The following MYDGF variants were observed in gnomAD, a reference collection of about 807,000 sequenced individuals.
MYDGF encodes myeloid derived growth factor.
A neutral mutation model predicts 24.2 loss-of-function variants in MYDGF; 29 were observed. The ratio of observed to expected loss-of-function variants is 1.20; its 90% CI spans 0.89 to 1.63. The LOEUF (loss-of-function observed/expected upper bound fraction) is 1.63. Among genes scored for constraint, MYDGF ranks in the 40% most tolerant of loss-of-function variants. The pLI, the probability that MYDGF is intolerant of heterozygous loss-of-function variation, is 0.00. For missense variants in MYDGF, 245 were observed against 234.8 expected, an observed-to-expected ratio of 1.04 and a Z score of -0.29; for synonymous variants, 105 against 102.5, an observed-to-expected ratio of 1.02 and a Z score of -0.15.
intron 5 of MYDGF, among the ~76,000 whole-genome samples, chr19:4,659,503 C>T (rs904414981): frequency 1.3e-5 from 2 of 151,886 alleles, no homozygotes; most frequent in East Asian, 1.9e-4. Flanking sequence ...GGATTACAGG[C>T]GTGAGCCACC....
intron 4 of MYDGF, 79 bp downstream of exon 4, chr19:4,660,590 C>G: frequency 7.4e-7 from 1 of 1,352,056 alleles, no homozygotes; most frequent in Non-Finnish European, 1.1e-6. Context: ...CCATGGAGCC[C>G]TCTTGTGGCA....
Position 4,660,045 on chromosome 19 carries a change from T to G in MYDGF, c.370-42A>C, listed in dbSNP as rs200226401. ...GGAAACTTTACCAGGGCCAGTTCAA[T>G]GCTCATCATTAGGAAAACGATTGAG... On this transcript the variant is annotated intron_variant, in intron 4 of 5. Transcript: ENST00000262947. The G allele has an allele frequency of 3.3e-6, 5 of 1,537,162 alleles. No homozygotes were observed. In the East Asian group the frequency reaches 9.0e-5, roughly 28 times the overall value.
chr19:4,658,872 G>A (rs1047950771), intron 5 of MYDGF, among the ~76,000 whole-genome samples: 7 of 147,146 alleles, frequency 4.8e-5, no homozygotes, highest in South Asian at 2.2e-4. Flanking sequence ...GTGCAGTCTC[G>A]ACTCACTGCA....
chr19:4,668,314 A>G (rs1568288630), intron 2 of MYDGF, among the ~76,000 whole-genome samples: 2 of 152,358 alleles, frequency 1.3e-5, no homozygotes, highest in East Asian at 3.9e-4. Flanking sequence ...GTTGCACTGC[A>G]CATAAAATAC....
chr19:4,665,493 C>T (rs548972349), intron 2 of MYDGF, among the ~76,000 whole-genome samples: 121 of 152,170 alleles, frequency 8.0e-4, no homozygotes, highest in Admixed American at 1.1e-3. Context: ...ATATAAGCCA[C>T]CATGCCAGGC....
chr19:4,664,826 C>A, intron 3 of MYDGF, 50 bp downstream of exon 3: 1 of 1,597,972 alleles, frequency 6.3e-7, no homozygotes, highest in Non-Finnish European at 8.6e-7. Context: ...CCTGAGGCCA[C>A]AGGGCAGGCC....
rs2088435866 is a variant in MYDGF at position 4,657,983 on chromosome 19, C to T, written c.*22G>A. 1.3e-6 allele frequency: 2 copies of T among 1,595,442 alleles called. No individual in the cohort carries two copies. The highest frequency in any genetic ancestry group is 1.7e-5 in the Admixed American group (1 of 57,604). On this transcript the variant is annotated 3_prime_UTR_variant, in exon 6 of 6. Transcript: ENST00000262947. The stretch of plus-strand genomic sequence containing the variant: ...CAGCTTCACCGGAGATGAGAAGGTG[C>T]CACCCGCAACAGGGCTGCTGGTCAC...
rs186722662 is a variant in MYDGF, at chr19:4,664,846, C to T, written c.287+30G>A. ...GGCCACAGGGCAGGCCAACGGCAGCCGGAAATGCCATCCCCACCCCGAGTC... is the reference window on the plus strand; with the variant it reads ...GGCCACAGGGCAGGCCAACGGCAGCTGGAAATGCCATCCCCACCCCGAGTC... On this transcript the variant is annotated intron_variant, in intron 3 of 5. Coordinates refer to ENST00000262947, the MANE Select transcript of MYDGF (RefSeq NM_019107.4). The T allele has an allele frequency of 5.6e-4, 908 of 1,609,652 alleles. 5 individuals are homozygous for T. In the African/African-American group the frequency reaches 8.8e-3, roughly 16 times the overall value.
chr19:4,664,855 CATCCCCACCCCG>C lies in MYDGF; in HGVS notation c.287+9_287+20del. 1.9e-6 allele frequency: 3 copies of C among 1,611,010 alleles called. No homozygotes were observed. The highest frequency in any genetic ancestry group is 2.5e-6 in the Non-Finnish European group (3 of 1,178,608). On this transcript the variant is annotated intron_variant, in intron 3 of 5. Transcript: ENST00000262947. Reference sequence around the variant, plus strand: ...GCAGGCCAACGGCAGCCGGAAATGCCATCCCCACCCCGAGTCTCACCTCCAGATGGTGCAGGT... The same window carrying C: ...GCAGGCCAACGGCAGCCGGAAATGCCAGTCTCACCTCCAGATGGTGCAGGT...
intron 2 of MYDGF, among the ~76,000 whole-genome samples, chr19:4,666,101 T>G (rs569856485): frequency 6.6e-6 from 1 of 151,754 alleles, no homozygotes; most frequent in East Asian, 2.0e-4. Context: ...GATGATCACT[T>G]GAACCCAAGA....
chr19:4,663,370 T>C (rs59913199), intron 3 of MYDGF, among the ~76,000 whole-genome samples: 96 of 110,716 alleles, frequency 8.7e-4, no homozygotes, highest in Admixed American at 4.8e-4. Flanking sequence ...TCCAATCTAC[T>C]CTCCCCACCT....
intron 1 of MYDGF, among the ~76,000 whole-genome samples, chr19:4,669,667 CTT>C (rs1158970698): frequency 6.6e-6 from 1 of 152,202 alleles, no homozygotes; most frequent in Non-Finnish European, 1.5e-5. Flanking sequence ...GGGGAAAGGA[CTT>C]TGCCGACAAG....
At chr19:4,664,721 C>A (rs1400515314) in intron 3 of MYDGF, among the ~76,000 whole-genome samples, 155 bp downstream of exon 3, 1 of 152,146 alleles carries the variant, frequency 6.6e-6, no homozygotes, top group Non-Finnish European at 1.5e-5. Context: ...CCCCAGCGAC[C>A]CTGCCACCCC....
chr19:4,665,063 A>C, intron 2 of MYDGF, 126 bp from the exon 3 acceptor site: 1 of 1,027,234 alleles, frequency 9.7e-7, no homozygotes, highest in Non-Finnish European at 1.4e-6. Context: ...GCTGGCCACT[A>C]AATCCCCTGC....
intron 5 of MYDGF, 102 bp from the exon 6 acceptor site, chr19:4,658,186 G>A (rs1343173535): frequency 3.1e-6 from 3 of 962,540 alleles, no homozygotes; most frequent in South Asian, 3.1e-5. Context: ...CAGGCAAGGG[G>A]AGCAGTCTCC....
Position 4,660,734 on chromosome 19 carries a change from A to G in MYDGF, c.304T>C (p.Tyr102His), listed in dbSNP as rs1486157188. The G allele has an allele frequency of 1.2e-6, 2 of 1,613,860 alleles. No homozygotes were observed. Among genetic ancestry groups the G allele is most frequent in the East Asian group, 2.2e-5 (1 of 44,862 alleles). ...GCCTTGAACTGTGTGAAGTACAGAT[A>G]GGACTTCCCCTGGGGCCTGCAGAGG... ...CTIWRPQGKS[Y>H]LYFTQFKAEV... The change falls in exon 4 of 6, where the codon TAT becomes CAT. Residue 102 changes from tyrosine (Y) to histidine (H), a missense_variant. Tyr to His is a moderately conservative substitution (Grantham distance 83). Transcript: ENST00000262947.
In MYDGF at chr19:4,662,280, T is replaced by G. The variant is rs114948975; in HGVS notation, c.288-1530A>C. Reference sequence around the variant, plus strand: ...TCAACGTGCTTTAACCTGACCGCAGTGGTGGAGCTATAGCTTGGACTTCTC... The same window carrying G: ...TCAACGTGCTTTAACCTGACCGCAGGGGTGGAGCTATAGCTTGGACTTCTC... On this transcript the variant is annotated intron_variant, in intron 3 of 5. Transcript: ENST00000262947. Among the ~76,000 whole-genome samples the G allele has an allele frequency of 8.1e-3, 1,240 of 152,314 alleles. 16 individuals carry two copies. The highest frequency in any genetic ancestry group is 0.028 in the African/African-American group (1,161 of 41,570).
At chr19:4,664,127 C>A (rs1350161384) in intron 3 of MYDGF, among the ~76,000 whole-genome samples, 1 of 151,978 alleles carries the variant, frequency 6.6e-6, no homozygotes, top group African/African-American at 2.4e-5. Flanking sequence ...CAGGACACGC[C>A]CATCCACAGA....
At chr19:4,665,693 C>T (rs989219724) in intron 2 of MYDGF, among the ~76,000 whole-genome samples, 4 of 151,700 alleles carry the variant, frequency 2.6e-5, no homozygotes, top group Non-Finnish European at 5.9e-5. Context: ...CAGTGGTGGG[C>T]GCCTGTAGTC....
Sources: allele counts gnomAD v4.1 joint callset (sites outside exome capture counted in the v4.1 genomes callset), GRCh38; gene constraint gnomAD v4.1.1; transcripts MANE v1.5; gene names NCBI Gene and HGNC (gene_info 2026-07-23, HGNC 2026-07-21).